ZNF875: variants seen among roughly 807,000 people sequenced by gnomAD.
ZNF875 encodes the protein zinc finger protein 875, also known as HKR1, GLI-Kruppel zinc finger family member.
In ZNF875, 14 loss-of-function variants were observed where a neutral mutation model predicts 11.2. The ratio of observed to expected loss-of-function variants is 1.26; its 90% CI spans 0.83 to 1.96. The LOEUF is 1.96. Among genes scored for constraint, ZNF875 ranks in the 30% most tolerant of loss-of-function variants. ZNF875 has a pLI of 0.00. For missense variants in ZNF875, 752 were observed against 760.4 expected (o/e 0.99, Z 0.13); for synonymous variants, 301 against 281.1 (o/e 1.07, Z -0.71).
At chr19:37,327,330 A>T (rs1053065624) in intron 4 of ZNF875, among the ~76,000 whole-genome samples, 3 of 152,034 alleles carry the variant, frequency 2.0e-5, no homozygotes, top group African/African-American at 7.2e-5. Context: ...AGAGCCCCTT[A>T]TGTTTCTACT....
At chr19:37,316,227 GCT>G (rs1418334300), upstream of ZNF875, among the ~76,000 whole-genome samples, 1 of 152,198 alleles carries the variant, frequency 6.6e-6, no homozygotes, top group East Asian at 1.9e-4. Flanking sequence ...CTCCCTGCCC[GCT>G]CTGTCCTCCG....
intron 4 of ZNF875, among the ~76,000 whole-genome samples, chr19:37,356,544 C>G (rs1453673041): frequency 6.6e-6 from 1 of 152,068 alleles, no homozygotes; most frequent in East Asian, 1.9e-4. Flanking sequence ...ACCAAGATCT[C>G]TTTGTGGTTG....
intron 1 of ZNF875, 129 bp from the exon 2 acceptor site, chr19:37,335,040 G>C (rs2034045795): frequency 1.7e-6 from 1 of 575,956 alleles, no homozygotes; most frequent in Non-Finnish European, 3.2e-6. Flanking sequence ...CACTGGATGG[G>C]AATTGGCTGC....
upstream of ZNF875, chr19:37,315,371 G>A (rs879868598): frequency 2.0e-5 from 3 of 152,172 alleles, no homozygotes; most frequent in Non-Finnish European, 2.9e-5. Context: ...GTTTTATTGC[G>A]AAGAATGGCA....
At chr19:37,354,125 C>A (rs1205575628) in intron 4 of ZNF875, among the ~76,000 whole-genome samples, 1 of 151,874 alleles carries the variant, frequency 6.6e-6, no homozygotes, top group Non-Finnish European at 1.5e-5. Flanking sequence ...TATGTAATTT[C>A]TATTCTTTTA....
chr19:37,319,827 C>T (rs2031011654), intron 1 of ZNF875, among the ~76,000 whole-genome samples: 1 of 152,126 alleles, frequency 6.6e-6, no homozygotes, highest in South Asian at 2.1e-4. Context: ...AGTTGGTAAC[C>T]TCAGCTCTTT....
intron 1 of ZNF875, among the ~76,000 whole-genome samples, chr19:37,320,219 G>A (rs893558004): frequency 2.0e-5 from 3 of 152,122 alleles, no homozygotes; most frequent in African/African-American, 4.8e-5. Flanking sequence ...CCAAGTTTAG[G>A]GCCCATGAGA....
Position 37,347,880 on chromosome 19 carries a change from T to C in ZNF875, c.256+8T>C, listed in dbSNP as rs2037121579. 1 of 1,529,532 alleles carries C rather than the reference T, an allele frequency of 6.5e-7. No individual in the cohort carries two copies. The highest frequency in any genetic ancestry group is 1.4e-5 in the African/African-American group (1 of 73,348). 94.7% of individuals were successfully genotyped at this position (1,529,532 alleles called of 1,614,324 possible). A position where few individuals can be genotyped will look rare whatever the true frequency, so the allele number is the denominator to read the frequency against. On this transcript the variant is annotated splice_region_variant and intron_variant, in intron 4 of 4. Coordinates refer to ENST00000392153, the MANE Select transcript of ZNF875 (RefSeq NM_001353803.2). ...CACTGGACCTCTGTCCAGGTGAGTGTTGAGTGTGGGGTAGACGGGATAATC... is the reference window on the plus strand; with the variant it reads ...CACTGGACCTCTGTCCAGGTGAGTGCTGAGTGTGGGGTAGACGGGATAATC...
chr19:37,347,700 C>T, intron 3 of ZNF875, 77 bp from the exon 4 acceptor site: 2 of 889,564 alleles, frequency 2.2e-6, no homozygotes, highest in Admixed American at 1.8e-5. Flanking sequence ...GTTTCCTCAC[C>T]CATTTCAGCT....
intron 4 of ZNF875, among the ~76,000 whole-genome samples, chr19:37,327,538 C>T (rs866149045): frequency 6.6e-6 from 1 of 151,724 alleles, no homozygotes; most frequent in South Asian, 2.1e-4. Flanking sequence ...GAGGCCGAGG[C>T]GGGCAGATCA....
At position 37,363,799 on chromosome 19, in the gene ZNF875, T is replaced by C. The variant is rs766601133; in HGVS notation, c.*24T>C. On this transcript the variant is annotated 3_prime_UTR_variant, in exon 5 of 5. Coordinates refer to ENST00000392153, the MANE Select transcript of ZNF875 (RefSeq NM_001353803.2). ...AGAAACTTTATGTGTATAGGGAATG[T>C]GGTACAGCCTTTAGCCAGGAGTCAT... 6.3e-7 allele frequency: 1 copy of C among 1,591,586 alleles called. No homozygotes were observed. Among genetic ancestry groups the C allele is most frequent in the South Asian group, 1.1e-5 (1 of 90,142 alleles).
chr19:37,348,490 C>A (rs970725426), intron 4 of ZNF875, among the ~76,000 whole-genome samples: 7 of 152,252 alleles, frequency 4.6e-5, no homozygotes, highest in African/African-American at 1.7e-4. Flanking sequence ...GCTAAATCAT[C>A]TATATTGTTG....
upstream of ZNF875, chr19:37,317,031 G>C (rs1465682873): frequency 1.4e-5 from 2 of 147,892 alleles, no homozygotes; most frequent in East Asian, 4.0e-4. Flanking sequence ...CTGGAGGGGA[G>C]TGGCGCGATC....
At position 37,347,192 on chromosome 19, in the gene ZNF875, G is replaced by C. The variant is rs775851120; in HGVS notation, c.36G>C (p.Ala12=). The C allele has an allele frequency of 1.2e-6, 2 of 1,613,914 alleles. No homozygotes were observed. The highest frequency in any genetic ancestry group is 1.7e-6 in the Non-Finnish European group (2 of 1,179,956). Reference sequence around the variant, plus strand: ...CAGAGGTGTGTTTTGTGTTAAAGGCGTTCGTGGCATTCAGGGATGTGGCTG... The same window carrying C: ...CAGAGGTGTGTTTTGTGTTAAAGGCCTTCGTGGCATTCAGGGATGTGGCTG... ...ATGLLRAKKE[A]FVAFRDVAVY... The change falls in exon 3 of 5, where the codon GCG becomes GCC. Residue 12 remains alanine (A), a splice_region_variant and synonymous_variant. Transcript: ENST00000392153.
chr19:37,327,265 T>G (rs1390189243), intron 4 of ZNF875, among the ~76,000 whole-genome samples: 1 of 152,030 alleles, frequency 6.6e-6, no homozygotes, highest in African/African-American at 2.4e-5. Flanking sequence ...AATGCTGGTA[T>G]TACAGGCATG....
At chr19:37,343,115 G>A (rs1254739468) in intron 2 of ZNF875, among the ~76,000 whole-genome samples, 1 of 152,050 alleles carries the variant, frequency 6.6e-6, no homozygotes, top group Non-Finnish European at 1.5e-5. Flanking sequence ...GAGGCGGGCG[G>A]ATCATGAGGT....
At chr19:37,344,978 GC>G in intron 2 of ZNF875, 1 of 533,748 alleles carries the variant, frequency 1.9e-6, no homozygotes, top group Non-Finnish European at 3.4e-6. Flanking sequence ...AAACCAGGAA[GC>G]CTTGTACATT....
Position 37,363,730 on chromosome 19 carries a change from T to A in ZNF875, c.1878T>A (p.Ser626Arg). Reference sequence around the variant, plus strand: ...GCAGAAAGTGTGGACGGGGCTTTAGTCGGAAGTCCAACCTTATCAGACATC... The same window carrying A: ...GCAGAAAGTGTGGACGGGGCTTTAGACGGAAGTCCAACCTTATCAGACATC... ...YICRKCGRGF[S>R]RKSNLIRHQR... Residue 626 changes from serine (S) to arginine (R), a missense_variant, in exon 5 of 5, where the codon AGT (serine) becomes AGA (arginine). By Grantham distance (110) the Ser-to-Arg change is moderately radical (BLOSUM62 -1). Coordinates refer to ENST00000392153, the MANE Select transcript of ZNF875 (RefSeq NM_001353803.2). 1 of 1,613,636 alleles carries A rather than the reference T, an allele frequency of 6.2e-7. No homozygotes were observed. Among genetic ancestry groups the A allele is most frequent in the South Asian group, 1.1e-5 (1 of 91,022 alleles).
At chr19:37,346,887 G>C in intron 2 of ZNF875, 1 of 234,760 alleles carries the variant, frequency 4.3e-6, no homozygotes, top group Non-Finnish European at 8.4e-6. Flanking sequence ...TTTTGAGACA[G>C]AGTTTTGCTC....
Sources: gnomAD v4.1 joint callset for allele counts (sites outside exome capture counted in the v4.1 genomes callset) on GRCh38, gnomAD v4.1.1 for gene constraint, MANE v1.5 for transcripts, NCBI Gene and HGNC (gene_info 2026-07-23, HGNC 2026-07-21) for gene names.